The following ZC3H18 variants were observed in gnomAD, a reference collection of about 807,000 sequenced individuals.
ZC3H18 encodes the protein zinc finger CCCH-type containing 18.
A neutral mutation model predicts 106.1 loss-of-function variants in ZC3H18; 8 were observed. The observed-to-expected ratio is 0.08, with a 90% CI of 0.04 to 0.14. The LOEUF is 0.14. ZC3H18 is among the 10% of genes least tolerant of loss of function. The pLI is 1.00. For missense variants in ZC3H18, 1,318 were observed against 1,278.4 expected (o/e 1.03, Z -0.47); for synonymous variants, 635 against 522.1 (o/e 1.22, Z -2.95).
intron 7 of ZC3H18, among the ~76,000 whole-genome samples, chr16:88,610,721 C>G (rs543721425): frequency 1.3e-5 from 2 of 152,328 alleles, no homozygotes; most frequent in Admixed American, 1.3e-4. Context: ...GAGGATTGTA[C>G]TAGAAGAAGA....
intron 17 of ZC3H18, among the ~76,000 whole-genome samples, chr16:88,630,783 C>T (rs1459061477): frequency 1.4e-5 from 2 of 146,766 alleles, no homozygotes; most frequent in Non-Finnish European, 3.0e-5. Flanking sequence ...CACACACGCT[C>T]CTGCCCTGGT....
intron 6 of ZC3H18, among the ~76,000 whole-genome samples, chr16:88,602,755 C>T (rs1904812155): frequency 6.6e-6 from 1 of 152,142 alleles, no homozygotes; most frequent in Admixed American, 6.5e-5. Flanking sequence ...TCAAGCAATC[C>T]TCGCGCCTGA....
chr16:88,629,676 C>G (rs1214396812), intron 16 of ZC3H18, among the ~76,000 whole-genome samples: 1 of 152,198 alleles, frequency 6.6e-6, no homozygotes, highest in Admixed American at 6.5e-5. Context: ...TACTGTTGAA[C>G]CACACAGACC....
intron 8 of ZC3H18, among the ~76,000 whole-genome samples, chr16:88,617,172 C>G (rs760923541): frequency 3.5e-4 from 53 of 152,300 alleles, no homozygotes; most frequent in South Asian, 2.1e-3. Flanking sequence ...ACCCCTCTTT[C>G]CTGAGGTTCT....
At chr16:88,614,966 A>G (rs1278280510) in intron 8 of ZC3H18, among the ~76,000 whole-genome samples, 1 of 54,660 alleles carries the variant, frequency 1.8e-5, no homozygotes, top group Non-Finnish European at 4.0e-5. Context: ...GGGCTGCCCC[A>G]CCTCCTGTTC....
At position 88,598,699 on chromosome 16, in the gene ZC3H18, G is replaced by C. The variant is rs369341569; in HGVS notation, c.917G>C (p.Arg306Pro). ...GAGAGTGCCTGGGAACGAGGACTCCGGCATGCAAAGGAGGTAAACACAATT... is the reference window on the plus strand; with the variant it reads ...GAGAGTGCCTGGGAACGAGGACTCCCGCATGCAAAGGAGGTAAACACAATT... ...PTESAWERGL[R>P]HAKEVLKKAT... is the part of the protein sequence containing the mutation. Residue 306 changes from arginine to proline, a missense_variant, in exon 5 of 18, where the codon CGG becomes CCG. Around this residue, in one of 6 missense-constraint regions of ZC3H18, gnomAD observed 3 missense variants for 16.2 expected, o/e 0.19. Transcript: ENST00000301011. 6.2e-7 allele frequency: 1 copy of C among 1,611,436 alleles called. No homozygotes were observed. The highest frequency in any genetic ancestry group is 8.5e-7 in the Non-Finnish European group (1 of 1,178,738).
chr16:88,608,473 C>T (rs1905118166), intron 6 of ZC3H18: 2 of 152,636 alleles, frequency 1.3e-5, no homozygotes, highest in African/African-American at 4.8e-5. Context: ...AAGTGATTCT[C>T]CTGCCTCAGC....
In ZC3H18 at chr16:88,631,263, T is replaced by C. The variant is rs1906674991; in HGVS notation, c.2826T>C (p.Ile942=). Residue 942 remains isoleucine, a synonymous_variant, in exon 18 of 18, where the codon ATT becomes ATC. Coordinates refer to ENST00000301011, the MANE Select transcript of ZC3H18 (RefSeq NM_144604.4). ...LKQLKAVEDA[I]ARKRAKIPGK... is the part of the protein sequence containing the mutation. ...AGCTGAAGGCCGTGGAGGATGCTAT[T>C]GCACGCAAGCGGGCCAAGATCCCCG... The C allele has an allele frequency of 1.9e-6, 3 of 1,606,032 alleles. No homozygotes were observed. Among genetic ancestry groups the C allele is most frequent in the Non-Finnish European group, 2.5e-6 (3 of 1,176,686 alleles).
chr16:88,614,883 C>T (rs963119303), intron 8 of ZC3H18, among the ~76,000 whole-genome samples: 14 of 152,258 alleles, frequency 9.2e-5, no homozygotes, highest in Admixed American at 1.3e-4. Context: ...CCCAGCACCC[C>T]GTGCACACAC....
chr16:88,599,005 T>C (rs1405185037), intron 5 of ZC3H18, among the ~76,000 whole-genome samples: 1 of 152,184 alleles, frequency 6.6e-6, no homozygotes, highest in Non-Finnish European at 1.5e-5. Flanking sequence ...ATTACAGGCA[T>C]GCGCCACCAG....
intron 1 of ZC3H18, among the ~76,000 whole-genome samples, chr16:88,571,891 G>A (rs956249581): frequency 6.6e-6 from 1 of 152,194 alleles, no homozygotes; most frequent in African/African-American, 2.4e-5. Context: ...CAGAACTTAG[G>A]CATTCAAATA....
intron 3 of ZC3H18, among the ~76,000 whole-genome samples, chr16:88,589,333 C>T (rs942526627): frequency 2.6e-5 from 4 of 152,158 alleles, no homozygotes; most frequent in Admixed American, 6.5e-5. Context: ...GAGAAACGGA[C>T]GTGTGCATTT....
chr16:88,628,899 C>G (rs1906489806), intron 16 of ZC3H18, 45 bp downstream of exon 16: 1 of 1,605,774 alleles, frequency 6.2e-7, no homozygotes, highest in Non-Finnish European at 8.5e-7. Flanking sequence ...GGACGGGAGC[C>G]TGGGGATGCG....
intron 3 of ZC3H18, among the ~76,000 whole-genome samples, chr16:88,589,932 A>C (rs370907039): frequency 6.6e-6 from 1 of 152,354 alleles, no homozygotes; most frequent in African/African-American, 2.4e-5. Flanking sequence ...GTACACATTA[A>C]ATGGGAGTAT....
rs757651964 is a variant in ZC3H18 at position 88,630,490 on chromosome 16, C to T, written c.2572C>T (p.Arg858Trp). Residue 858 changes from arginine to tryptophan, a missense_variant, in exon 17 of 18, where the codon CGG (arginine) becomes TGG (tryptophan). Coordinates refer to ENST00000301011, the MANE Select transcript of ZC3H18 (RefSeq NM_144604.4). ...RPNTSPDRGS[R>W]DRKSGGRLGS... ...ACTCTGTACCTATCACCCAGGTTCT[C>T]GGGACCGGAAGTCAGGTGGGAGACT... 3.3e-5 allele frequency: 54 copies of T among 1,612,984 alleles called. No homozygotes were observed. The highest frequency in any genetic ancestry group is 1.8e-4 in the Admixed American group (11 of 59,924).
rs1246664754 is a variant in ZC3H18 at position 88,577,604 on chromosome 16, G to A, written c.481G>A (p.Gly161Ser). The A allele has an allele frequency of 6.2e-7, 1 of 1,613,816 alleles. No homozygotes were observed. The highest frequency in any genetic ancestry group is 1.7e-5 in the Admixed American group (1 of 60,010). The part of the protein sequence containing the change: ...GAEDDEEKGE[G>S]TPREEGKAGV... ...TGAGGATGATGAGGAGAAAGGCGAA[G>A]GCACTCCCAGGGAGGAGGGGAAGGC... Residue 161 changes from glycine (G) to serine (S), a missense_variant, in exon 2 of 18, where the codon GGC (glycine) becomes AGC (serine). Physicochemically the swap from Gly to Ser is moderately conservative, Grantham distance 56. Coordinates refer to ENST00000301011, the MANE Select transcript of ZC3H18 (RefSeq NM_144604.4).
At chr16:88,599,037 T>G (rs947513102) in intron 5 of ZC3H18, among the ~76,000 whole-genome samples, 1 of 152,154 alleles carries the variant, frequency 6.6e-6, no homozygotes, top group Non-Finnish European at 1.5e-5. Context: ...TGGAGAGTTA[T>G]ATCTAACTGT....
Position 88,577,088 on chromosome 16 carries a change from A to G in ZC3H18, c.-14-22A>G, listed in dbSNP as rs377375170. On this transcript the variant is annotated intron_variant, in intron 1 of 17. Coordinates refer to ENST00000301011, the MANE Select transcript of ZC3H18 (RefSeq NM_144604.4). The stretch of plus-strand genomic sequence containing the variant: ...TTTTCCATTTTGCTAAAGGCTGTCA[A>G]TCTGTATTCTCTCTTTTGCAGAACC... 7.7e-5 allele frequency: 115 copies of G among 1,501,340 alleles called. No homozygotes were observed. In the African/African-American group the frequency reaches 1.5e-3, roughly 19 times the overall value. The allele number at this position is 1,501,340 out of a possible 1,614,324, so 93.0% of individuals were successfully genotyped here.
intron 8 of ZC3H18, among the ~76,000 whole-genome samples, chr16:88,616,241 T>G (rs2142771178): frequency 6.6e-6 from 1 of 152,104 alleles, no homozygotes; most frequent in South Asian, 2.1e-4. Context: ...ACTAAATGAG[T>G]TTTTCTTAAA....
Sources: gnomAD v4.1 joint callset for allele counts (sites outside exome capture counted in the v4.1 genomes callset) on GRCh38, gnomAD v4.1.1 for gene constraint, gnomAD v4.1.1 regional missense constraint, MANE v1.5 for transcripts, NCBI Gene and HGNC (gene_info 2026-07-23, HGNC 2026-07-21) for gene names.